The following LRMDA variants were observed in gnomAD, a reference collection of about 807,000 sequenced individuals.
LRMDA encodes the protein leucine-rich melanocyte differentiation-associated protein.
Under a neutral mutation model 29.8 loss-of-function variants are expected in LRMDA, and 18 were observed. That is an observed-to-expected ratio of 0.60 (90% CI 0.42 to 0.90). The LOEUF (loss-of-function observed/expected upper bound fraction) is 0.90. Among genes scored for constraint, LRMDA ranks in the 40% least tolerant of loss-of-function variants. The pLI, the probability that LRMDA is intolerant of heterozygous loss-of-function variation, is 0.00. For missense variants in LRMDA, 273 were observed against 273.9 expected (o/e 1.00, Z 0.02); for synonymous variants, 125 against 109.4 (o/e 1.14, Z -0.89).
At chr10:75,904,432 T>G (rs2132369262) in intron 2 of LRMDA, among the ~76,000 whole-genome samples, 1 of 152,250 alleles carries the variant, frequency 6.6e-6, no homozygotes, top group South Asian at 2.1e-4. Context: ...TCCCCCTGGT[T>G]TTGTTTTTAT....
chr10:75,917,232 C>G (rs912163015), intron 2 of LRMDA, among the ~76,000 whole-genome samples: 4 of 152,126 alleles, frequency 2.6e-5, no homozygotes, highest in Non-Finnish European at 5.9e-5. Context: ...TCAGCTGCTC[C>G]CCAGTGTATG....
chr10:75,669,536 A>G (rs1841865699), intron 2 of LRMDA, among the ~76,000 whole-genome samples: 1 of 152,238 alleles, frequency 6.6e-6, no homozygotes, highest in Non-Finnish European at 1.5e-5. Flanking sequence ...ATTATCACAA[A>G]CATTGATCTG....
At chr10:76,176,221 A>T (rs1017778732) in intron 5 of LRMDA, among the ~76,000 whole-genome samples, 1 of 152,166 alleles carries the variant, frequency 6.6e-6, no homozygotes, top group Non-Finnish European at 1.5e-5. Context: ...ACACTTTTCA[A>T]CACTCTGTCC....
intron 2 of LRMDA, among the ~76,000 whole-genome samples, chr10:75,805,200 G>A (rs907826376): frequency 1.6e-4 from 24 of 152,122 alleles, no homozygotes; most frequent in African/African-American, 5.3e-4. Flanking sequence ...TGAAGTGAAC[G>A]GGGTTCCTTT....
At chr10:76,305,761 C>T (rs1450591049) in intron 5 of LRMDA, among the ~76,000 whole-genome samples, 1 of 152,138 alleles carries the variant, frequency 6.6e-6, no homozygotes, top group Non-Finnish European at 1.5e-5. Flanking sequence ...AAGGAAATAG[C>T]TTCACACATA....
intron 2 of LRMDA, among the ~76,000 whole-genome samples, chr10:75,806,604 C>T (rs956710220): frequency 2.0e-5 from 3 of 150,678 alleles, no homozygotes; most frequent in Non-Finnish European, 2.9e-5. Flanking sequence ...GGTGATTGAT[C>T]GGGATAAAGT....
intron 5 of LRMDA, among the ~76,000 whole-genome samples, chr10:76,181,521 G>A (rs1851050188): frequency 6.6e-6 from 1 of 152,198 alleles, no homozygotes; most frequent in South Asian, 2.1e-4. Context: ...AACAGGAAGA[G>A]TACATTTATT....
At chr10:76,097,143 T>A (rs1849324632) in intron 5 of LRMDA, among the ~76,000 whole-genome samples, 1 of 152,086 alleles carries the variant, frequency 6.6e-6, no homozygotes, top group Non-Finnish European at 1.5e-5. Context: ...CCTGAGTAGC[T>A]GAGATTACAG....
chr10:76,532,262 T>G (rs1412502673), intron 6 of LRMDA, among the ~76,000 whole-genome samples: 1 of 152,116 alleles, frequency 6.6e-6, no homozygotes, highest in Non-Finnish European at 1.5e-5. Context: ...CACTTATGAG[T>G]GAGAACATGC....
chr10:75,952,597 G>A (rs1049441629), intron 2 of LRMDA, among the ~76,000 whole-genome samples: 4 of 152,156 alleles, frequency 2.6e-5, no homozygotes, highest in Admixed American at 2.6e-4. Context: ...CTCACTAAGG[G>A]TATCATGGCA....
intron 5 of LRMDA, among the ~76,000 whole-genome samples, chr10:76,174,840 C>A (rs1290400676): frequency 6.6e-6 from 1 of 152,164 alleles, no homozygotes; most frequent in African/African-American, 2.4e-5. Flanking sequence ...AGGATTAAGG[C>A]CGGGTGCGGT....
intron 2 of LRMDA, among the ~76,000 whole-genome samples, chr10:75,753,588 G>T (rs751247143): frequency 2.0e-5 from 3 of 152,196 alleles, no homozygotes; most frequent in Non-Finnish European, 4.4e-5. Flanking sequence ...TGGCTAGGAA[G>T]GTGGGGAACG....
At chr10:75,980,317 A>G (rs1308541502) in intron 2 of LRMDA, among the ~76,000 whole-genome samples, 4 of 152,222 alleles carry the variant, frequency 2.6e-5, no homozygotes, top group Admixed American at 2.6e-4. Context: ...TGATCAGTCA[A>G]GGGCCCTGCT....
At chr10:75,906,956 G>A (rs989326412) in intron 2 of LRMDA, among the ~76,000 whole-genome samples, 2 of 152,154 alleles carry the variant, frequency 1.3e-5, no homozygotes, top group Non-Finnish European at 2.9e-5. Flanking sequence ...TTTTTCCAGG[G>A]GAGAGTTGAA....
chr10:76,485,481 T>C (rs1429408769), intron 6 of LRMDA, among the ~76,000 whole-genome samples: 1 of 151,936 alleles, frequency 6.6e-6, no homozygotes, highest in Non-Finnish European at 1.5e-5. Context: ...CTTATTCATA[T>C]AGTGTTATCA....
chr10:75,782,725 C>T (rs934898240), intron 2 of LRMDA: 5 of 1,305,104 alleles, frequency 3.8e-6, no homozygotes, highest in African/African-American at 1.5e-5. Context: ...AGATGGAGAC[C>T]GGGGCGAAAC....
intron 2 of LRMDA, among the ~76,000 whole-genome samples, chr10:76,032,290 TG>T (rs775839917): frequency 5.9e-5 from 9 of 152,108 alleles, no homozygotes; most frequent in Non-Finnish European, 1.0e-4. Flanking sequence ...CCCCTACCCA[TG>T]GCCCCCCCAT....
At chr10:76,449,573 C>T (rs4746395) in intron 6 of LRMDA, among the ~76,000 whole-genome samples, 56,484 of 151,658 alleles carry the variant, frequency 0.37, 11,284 homozygotes, top group African/African-American at 0.49. Flanking sequence ...TTAAGGCATT[C>T]ATATCTGTTG....
intron 2 of LRMDA, among the ~76,000 whole-genome samples, chr10:75,713,795 G>A (rs1842465886): frequency 1.3e-5 from 2 of 152,092 alleles, no homozygotes; most frequent in Middle Eastern, 6.8e-3. Context: ...TTCCACCCCA[G>A]AATAAGGTTT....
Sources: gnomAD v4.1 joint callset for allele counts (sites outside exome capture counted in the v4.1 genomes callset) on GRCh38, gnomAD v4.1.1 for gene constraint, MANE v1.5 for transcripts, NCBI Gene and HGNC (gene_info 2026-07-23, HGNC 2026-07-21) for gene names.